GRIN3B: variants seen among roughly 807,000 people sequenced by gnomAD.
GRIN3B encodes glutamate receptor ionotropic, NMDA 3B.
GRIN3B carries 77 observed loss-of-function variants against 66.0 expected under a neutral mutation model. The ratio of observed to expected loss-of-function variants is 1.17; its 90% CI spans 0.97 to 1.41. GRIN3B has a LOEUF of 1.41. Among genes scored for constraint, GRIN3B ranks in the 40% most tolerant of loss-of-function variants. The probability of loss-of-function intolerance (pLI) is 0.00; values close to 1 mark genes in which losing one functional copy is unlikely to be tolerated. For synonymous variants in GRIN3B, 823 were observed against 749.7 expected (o/e 1.10, Z -1.60); for missense variants, 1,787 against 1,564.5 (o/e 1.14, Z -2.40).
chr19:1,008,289 G>C lies in GRIN3B; in HGVS notation c.2464G>C (p.Glu822Gln). The C allele has an allele frequency of 1.2e-6, 2 of 1,602,290 alleles. No individual in the cohort carries two copies. Among genetic ancestry groups the C allele is most frequent in the Non-Finnish European group, 1.7e-6 (2 of 1,173,280 alleles). The change falls in exon 6 of 9, where the codon GAG becomes CAG. Residue 822 changes from glutamate to glutamine, a missense_variant and splice_region_variant. Glu to Gln is a conservative substitution (Grantham distance 29). Coordinates refer to ENST00000234389, the MANE Select transcript of GRIN3B (RefSeq NM_138690.3). ...PCGKRVFAVT[E>Q]TLQMSIYHFA... Reference sequence around the variant, plus strand: ...CGGCAAGCGGGTCTTTGCGGTTACAGAGGTGGGGCAGGGCCTGGGACAGAG... The same window carrying C: ...CGGCAAGCGGGTCTTTGCGGTTACACAGGTGGGGCAGGGCCTGGGACAGAG...
Position 1,005,391 on chromosome 19 carries a change from C to T in GRIN3B, c.1890C>T (p.Arg630=). Residue 630 remains arginine (R), a synonymous_variant, in exon 3 of 9, where the codon CGC becomes CGT. Transcript: ENST00000234389. This position sits in a 1 kb window ranked among gnomAD's most constrained non-coding sequence, Gnocchi z 5.2. ...LNLCYAILFR[R]TVSSKTPKCP... The stretch of plus-strand genomic sequence containing the variant: ...TGTGCTACGCCATCCTCTTCAGACG[C>T]ACCGTGTCCAGCAAGACGCCCAAGT... 1 of 1,613,764 alleles carries T rather than the reference C, an allele frequency of 6.2e-7. No homozygotes were observed. Among genetic ancestry groups the T allele is most frequent in the Non-Finnish European group, 8.5e-7 (1 of 1,179,996 alleles).
Position 1,008,184 on chromosome 19 carries a change from C to G in GRIN3B, c.2359C>G (p.Leu787Val). The change falls in exon 6 of 9, where the codon CTG becomes GTG. Residue 787 changes from leucine (L) to valine (V), a missense_variant. Physicochemically the swap from Leu to Val is conservative, Grantham distance 32. Transcript: ENST00000234389. ...LPQNSPLTSNLSEFISRYKSS... is the reference protein window; with the variant it reads ...LPQNSPLTSNVSEFISRYKSS... ...CCAGAACTCGCCGCTCACCTCCAAC[C>G]TGTCCGAGTTCATCAGCCGCTACAA... 1.2e-6 allele frequency: 2 copies of G among 1,609,690 alleles called. No homozygotes were observed. Among genetic ancestry groups the G allele is most frequent in the Non-Finnish European group, 1.7e-6 (2 of 1,178,650 alleles).
rs1172862853 is a variant in GRIN3B, at chr19:1,005,652, G to A, written c.2052+99G>A. 1.2e-5 allele frequency: 11 copies of A among 898,834 alleles called. No individual in the cohort carries two copies. Among genetic ancestry groups the A allele is most frequent in the Admixed American group, 5.9e-5 (2 of 34,026 alleles). 55.7% of individuals were successfully genotyped at this position (898,834 alleles called of 1,614,324 possible). ...GGGTGGTCAGCTGGACGTGGAGGAC[G>A]TCCACTAGGCCAACTCTGGTCCCAA... On this transcript the variant is annotated intron_variant, in intron 3 of 8. Coordinates refer to ENST00000234389, the MANE Select transcript of GRIN3B (RefSeq NM_138690.3). The surrounding 1 kb of genome is among the most constrained non-coding windows in gnomAD (Gnocchi z 5.2).
At position 1,009,532 on chromosome 19, in the gene GRIN3B, G is replaced by C. The variant is rs760603856; in HGVS notation, c.3062G>C (p.Arg1021Pro). The change falls in exon 9 of 9, where the codon CGC becomes CCC. Residue 1021 changes from arginine to proline, a missense_variant. Physicochemically the swap from Arg to Pro is moderately radical, Grantham distance 103. Coordinates refer to ENST00000234389, the MANE Select transcript of GRIN3B (RefSeq NM_138690.3). ...GACAGCGCACGTCACCGGCCTCGGC[G>C]CTTGCTTCAGGCCAGAGCGGCCCCC... Reference protein sequence around the residue: ...LGDSARHRPRRLLQARAAPAE... With the variant: ...LGDSARHRPRPLLQARAAPAE... 2 of 1,487,136 alleles carry C rather than the reference G, an allele frequency of 1.3e-6. No homozygotes were observed. Among genetic ancestry groups the C allele is most frequent in the Non-Finnish European group, 1.8e-6 (2 of 1,123,870 alleles). 92.1% of individuals were successfully genotyped at this position (1,487,136 alleles called of 1,614,324 possible). A position where few individuals can be genotyped will look rare whatever the true frequency, so the allele number is the denominator to read the frequency against.
At position 1,003,237 on chromosome 19, in the gene GRIN3B, G is replaced by A; in HGVS notation, c.534G>A (p.Leu178=). 2 of 1,578,586 alleles carry A rather than the reference G, an allele frequency of 1.3e-6. No individual in the cohort carries two copies. Among genetic ancestry groups the A allele is most frequent in the South Asian group, 1.2e-5 (1 of 86,780 alleles). The change falls in exon 2 of 9, where the codon CTG becomes CTA. Residue 178 remains leucine, a synonymous_variant. Transcript: ENST00000234389. ...CCTGGGAAGACGTCGGCCTGGCCCT[G>A]TGCCGCACTCAGGACCCCGGCGGCC... is the stretch of plus-strand genomic sequence containing the variant. ...AHAWEDVGLA[L]CRTQDPGGLV...
intron 6 of GRIN3B, 43 bp from the exon 7 acceptor site, chr19:1,008,575 G>C (rs375287787): frequency 1.9e-6 from 3 of 1,576,260 alleles, no homozygotes; most frequent in Non-Finnish European, 2.6e-6. Context: ...CCAGGGGCCT[G>C]CCATTACGTG....
chr19:1,007,729 G>T lies in GRIN3B; in HGVS notation c.2154G>T (p.Arg718=). The T allele has an allele frequency of 6.5e-7, 1 of 1,527,246 alleles. No homozygotes were observed. The highest frequency in any genetic ancestry group is 8.8e-7 in the Non-Finnish European group (1 of 1,138,628). 94.6% of individuals were successfully genotyped at this position (1,527,246 alleles called of 1,614,324 possible). Residue 718 remains arginine, a synonymous_variant, in exon 4 of 9, where the codon CGG becomes CGT. Coordinates refer to ENST00000234389, the MANE Select transcript of GRIN3B (RefSeq NM_138690.3). This position sits in a 1 kb window ranked among gnomAD's most constrained non-coding sequence, Gnocchi z 4.4. ...TCCCCGACATGCACGCACACATGCG[G>T]CGCCACAGCGCGCCCACCACGCCCC... ...KSFPDMHAHM[R]RHSAPTTPRG... is the part of the protein sequence containing the mutation.
Position 1,004,600 on chromosome 19 carries a change from C to A in GRIN3B, c.1099C>A (p.His367Asn). Reference sequence around the variant, plus strand: ...CAGCTCCCAGGTACACATGTCTCGGCACTTTAAGGTGTGGAGCCTTCGCCG... The same window carrying A: ...CAGCTCCCAGGTACACATGTCTCGGAACTTTAAGGTGTGGAGCCTTCGCCG... ...TGSSQVHMSR[H>N]FKVWSLRRDP... Residue 367 changes from histidine (H) to asparagine (N), a missense_variant, in exon 3 of 9, where the codon CAC becomes AAC. His to Asn is a moderately conservative substitution (Grantham distance 68, BLOSUM62 1). Coordinates refer to ENST00000234389, the MANE Select transcript of GRIN3B (RefSeq NM_138690.3). The A allele has an allele frequency of 6.2e-7, 1 of 1,601,378 alleles. No individual in the cohort carries two copies. The highest frequency in any genetic ancestry group is 8.5e-7 in the Non-Finnish European group (1 of 1,174,038).
chr19:1,008,723 C>G lies in GRIN3B; in HGVS notation c.2572C>G (p.Leu858Val). 3 of 1,608,758 alleles carry G rather than the reference C, an allele frequency of 1.9e-6. No homozygotes were observed. The highest frequency in any genetic ancestry group is 1.7e-6 in the Non-Finnish European group (2 of 1,178,974). Residue 858 changes from leucine (L) to valine (V), a missense_variant, in exon 7 of 9, where the codon CTG (leucine) becomes GTG (valine). Physicochemically the swap from Leu to Val is conservative, Grantham distance 32 (BLOSUM62 1). Coordinates refer to ENST00000234389, the MANE Select transcript of GRIN3B (RefSeq NM_138690.3). ...SSLGEHAFFR[L>V]ALPRIRKGSR... The stretch of plus-strand genomic sequence containing the variant: ...GCTGGGCGAGCACGCCTTCTTCCGC[C>G]TGGCGCTGCCGCGCATCCGCAAGGG...
intron 8 of GRIN3B, 28 bp downstream of exon 8, chr19:1,008,955 T>C (rs780645777): frequency 6.3e-7 from 1 of 1,580,068 alleles, no homozygotes; most frequent in Non-Finnish European, 8.6e-7. Context: ...CGGACCACGA[T>C]GCAGGACCAC....
In GRIN3B at chr19:1,005,417, G is replaced by GC; in HGVS notation, c.1920dup (p.Thr641HisfsTer131). ...ACCGTGTCCAGCAAGACGCCCAAGT[G>GC]CCCCACGGGCCGCCTGCTCATGAAC... is the stretch of plus-strand genomic sequence containing the variant. On this transcript the variant is annotated frameshift_variant, in exon 3 of 9. Transcript: ENST00000234389. LOFTEE classifies it high-confidence loss of function. The surrounding 1 kb of genome is among the most constrained non-coding windows in gnomAD (Gnocchi z 5.2). 1 of 1,613,628 alleles carries GC rather than the reference G, an allele frequency of 6.2e-7. No individual in the cohort carries two copies. The highest frequency in any genetic ancestry group is 8.5e-7 in the Non-Finnish European group (1 of 1,179,994).
rs1286046297 is a variant in GRIN3B, at chr19:1,008,271, C to A, written c.2446C>A (p.Arg816=). ...GTACAAGATGGTGCCTTGCGGCAAGCGGGTCTTTGCGGTTACAGAGGTGGG... is the reference window on the plus strand; with the variant it reads ...GTACAAGATGGTGCCTTGCGGCAAGAGGGTCTTTGCGGTTACAGAGGTGGG... ...KWYKMVPCGK[R]VFAVTETLQM... Residue 816 remains arginine, a synonymous_variant, in exon 6 of 9, where the codon CGG becomes AGG. Transcript: ENST00000234389. 2 of 1,319,590 alleles carry A rather than the reference C, an allele frequency of 1.5e-6. No individual in the cohort carries two copies. The highest frequency in any genetic ancestry group is 1.8e-5 in the African/African-American group (1 of 54,846). The allele number at this position is 1,319,590 out of a possible 1,614,324, so 81.7% of individuals were successfully genotyped here. A position where few individuals can be genotyped will look rare whatever the true frequency, so the allele number is the denominator to read the frequency against.
Position 1,007,853 on chromosome 19 carries a change from C to A in GRIN3B, c.2199-3C>A, listed in dbSNP as rs1265880014. Reference sequence around the variant, plus strand: ...GGCTGACCCCCGCCCCCGGCCCCAGCAGGAGCGACCCCCCCAAGCTCAACG... The same window carrying A: ...GGCTGACCCCCGCCCCCGGCCCCAGAAGGAGCGACCCCCCCAAGCTCAACG... On this transcript the variant is annotated splice_region_variant and splice_polypyrimidine_tract_variant and intron_variant, in intron 4 of 8. Transcript: ENST00000234389. This position sits in a 1 kb window ranked among gnomAD's most constrained non-coding sequence, Gnocchi z 4.4. 1 of 1,605,854 alleles carries A rather than the reference C, an allele frequency of 6.2e-7. No homozygotes were observed. Among genetic ancestry groups the A allele is most frequent in the East Asian group, 2.2e-5 (1 of 44,652 alleles).
chr19:1,008,813 A>ACCC (rs373093602), intron 7 of GRIN3B, 31 bp downstream of exon 7: 5 of 1,475,836 alleles, frequency 3.4e-6, no homozygotes, highest in Non-Finnish European at 4.6e-6. Context: ...GGGCGGCCCC[A>ACCC]CCCCCCCCGC....
intron 2 of GRIN3B, among the ~76,000 whole-genome samples, chr19:1,004,212 C>A (rs1417425393): frequency 6.6e-6 from 1 of 152,204 alleles, no homozygotes; most frequent in Non-Finnish European, 1.5e-5. Flanking sequence ...GGGTCTCTGG[C>A]TGAGCCCTGG....
chr19:1,002,878 A>C (rs1409197657), intron 1 of GRIN3B: 15 of 395,644 alleles, frequency 3.8e-5, no homozygotes, highest in African/African-American at 1.2e-4. Context: ...CACATGCAAA[A>C]AAAAAACAAA....
rs766834763 is a variant in GRIN3B, at chr19:1,005,266, G to A, written c.1765G>A (p.Ala589Thr). ...CGTCTTTGCGGCCCTGCACCTCACC[G>A]CGCTCTTCCTCACCGTGTACGAGTG... ...LGVFAALHLT[A>T]LFLTVYEWRS... Residue 589 changes from alanine (A) to threonine (T), a missense_variant, in exon 3 of 9, where the codon GCG becomes ACG. By Grantham distance (58) the Ala-to-Thr change is moderately conservative. Coordinates refer to ENST00000234389, the MANE Select transcript of GRIN3B (RefSeq NM_138690.3). The surrounding 1 kb of genome is among the most constrained non-coding windows in gnomAD (Gnocchi z 5.2). 10 of 1,613,268 alleles carry A rather than the reference G, an allele frequency of 6.2e-6. No homozygotes were observed. The highest frequency in any genetic ancestry group is 2.2e-5 in the East Asian group (1 of 44,896).
Position 1,007,756 on chromosome 19 carries a change from C to T in GRIN3B, c.2181C>T (p.Arg727=). ...GCCACAGCGCGCCCACCACGCCCCG[C>T]GGCGTCGCCATGCTCACGTGAGCCC... ...MRRHSAPTTP[R]GVAMLTSDPP... is the part of the protein sequence containing the mutation. Residue 727 remains arginine, a synonymous_variant, in exon 4 of 9, where the codon CGC becomes CGT. Transcript: ENST00000234389. The surrounding 1 kb of genome is among the most constrained non-coding windows in gnomAD (Gnocchi z 4.4). The T allele has an allele frequency of 1.3e-6, 2 of 1,516,424 alleles. No individual in the cohort carries two copies. The highest frequency in any genetic ancestry group is 1.8e-6 in the Non-Finnish European group (2 of 1,133,344). The allele number at this position is 1,516,424 out of a possible 1,614,324, so 93.9% of individuals were successfully genotyped here. A position where few individuals can be genotyped will look rare whatever the true frequency, so the allele number is the denominator to read the frequency against.
intron 7 of GRIN3B, 26 bp downstream of exon 7, chr19:1,008,808 G>T: frequency 6.3e-7 from 1 of 1,594,574 alleles, no homozygotes. Context: ...GCGGCGGGCG[G>T]CCCCACCCCC....
Sources: allele counts gnomAD v4.1 joint callset (sites outside exome capture counted in the v4.1 genomes callset), GRCh38; gene constraint gnomAD v4.1.1; non-coding constraint Gnocchi (gnomAD v3.1); transcripts MANE v1.5; gene names NCBI Gene and HGNC (gene_info 2026-07-23, HGNC 2026-07-21).